Variants in ZNF599 observed in about 807,000 individuals in gnomAD.
The protein encoded by ZNF599 is zinc finger protein 599.
A neutral mutation model predicts 11.7 loss-of-function variants in ZNF599; 10 were observed. The observed-to-expected ratio is 0.86, with a 90% CI of 0.53 to 1.45. ZNF599 has a LOEUF of 1.45. ZNF599 is among the 40% of genes most tolerant of loss of function. The pLI is 0.00. For synonymous variants in ZNF599, 232 were observed against 253.2 expected, an observed-to-expected ratio of 0.92 and a Z score of 0.79; for missense variants, 688 against 713.6, an observed-to-expected ratio of 0.96 and a Z score of 0.41.
the ZNF599 span, among the ~76,000 whole-genome samples, chr19:34,787,988 C>T: frequency 6.6e-6 from 1 of 152,174 alleles, no homozygotes; most frequent in Non-Finnish European, 1.5e-5. Context: ...TGCCTTTGTA[C>T]TGAATAAGTA....
chr19:34,778,938 C>T, the ZNF599 span, among the ~76,000 whole-genome samples: 313 of 152,054 alleles, frequency 2.1e-3, 11 homozygotes, highest in Admixed American at 0.016. Flanking sequence ...AAATAATTTC[C>T]CAAATCATGA....
At chr19:34,789,720 G>C in the ZNF599 span, among the ~76,000 whole-genome samples, 2 of 152,154 alleles carry the variant, frequency 1.3e-5, no homozygotes, top group South Asian at 4.1e-4. Flanking sequence ...TCTTGCTATT[G>C]TTTCAGTTCA....
chr19:34,759,750 G>A lies in ZNF599; in HGVS notation c.1051C>T (p.Arg351Cys), dbSNP rs146248056. Residue 351 changes from arginine (R) to cysteine (C), a missense_variant, in exon 4 of 4, where the codon CGC becomes TGC. Physicochemically the swap from Arg to Cys is radical, Grantham distance 180. Transcript: ENST00000329285. ...ACATTGTGCTGGATAAATGTGGAGC[G>A]GTGCGTGAAGGCCTTTCCACATTCA... ...CGECGKAFTH[R>C]STFIQHNVTH... 1.5e-3 allele frequency: 2,469 copies of A among 1,614,076 alleles called. 7 individuals carry two copies. Among genetic ancestry groups the A allele is most frequent in the Non-Finnish European group, 1.8e-3 (2,168 of 1,180,006 alleles).
chr19:34,761,108 A>G lies in ZNF599; in HGVS notation c.242-549T>C, dbSNP rs147935029. Among the ~76,000 whole-genome samples the G allele has an allele frequency of 3.7e-3, 571 of 152,284 alleles. 6 individuals are homozygous for G. Among genetic ancestry groups the G allele is most frequent in the African/African-American group, 0.013 (550 of 41,556 alleles). On this transcript the variant is annotated intron_variant, in intron 3 of 3. Coordinates refer to ENST00000329285, the MANE Select transcript of ZNF599 (RefSeq NM_001007248.3). ...AGTCTTGAGAGAATGCTGATTGCTG[A>G]GTAATGTAAATGGGATGACATGATG...
At chr19:34,793,790 G>T in the ZNF599 span, among the ~76,000 whole-genome samples, 1 of 152,192 alleles carries the variant, frequency 6.6e-6, no homozygotes, top group African/African-American at 2.4e-5. Flanking sequence ...CTCGTGGATT[G>T]CTGGCTAGCT....
chr19:34,785,769 A>G, the ZNF599 span, among the ~76,000 whole-genome samples: 1 of 152,126 alleles, frequency 6.6e-6, no homozygotes, highest in Non-Finnish European at 1.5e-5. Context: ...CCTGCTCTTC[A>G]ATTTGGTCTG....
intron 3 of ZNF599, among the ~76,000 whole-genome samples, 195 bp from the exon 4 acceptor site, chr19:34,760,754 A>G (rs1187837479): frequency 1.3e-5 from 2 of 152,202 alleles, no homozygotes; most frequent in Admixed American, 6.5e-5. Flanking sequence ...GAAACCCAGA[A>G]GGAAAAGCAA....
upstream of ZNF599, among the ~76,000 whole-genome samples, chr19:34,776,240 T>C (rs563154211): frequency 1.8e-3 from 275 of 152,364 alleles, no homozygotes; most frequent in African/African-American, 6.3e-3. Flanking sequence ...TTATATAAAT[T>C]GTGACTCAAA....
At chr19:34,785,358 G>T in the ZNF599 span, among the ~76,000 whole-genome samples, 1 of 152,188 alleles carries the variant, frequency 6.6e-6, no homozygotes, top group Non-Finnish European at 1.5e-5. Flanking sequence ...TGCTCCCACC[G>T]TATGCCTCTA....
chr19:34,765,305 T>G, intron 3 of ZNF599: 1 of 455,280 alleles, frequency 2.2e-6, no homozygotes, highest in South Asian at 3.0e-5. Context: ...GGAATGTACA[T>G]GATAAAATAT....
chr19:34,786,135 A>G, the ZNF599 span, among the ~76,000 whole-genome samples: 2 of 152,014 alleles, frequency 1.3e-5, no homozygotes, highest in Non-Finnish European at 2.9e-5. Context: ...CCAAACTCTA[A>G]TCAGGCTCCT....
At chr19:34,763,580 C>T (rs2069124900) in intron 3 of ZNF599, 1 of 152,232 alleles carries the variant, frequency 6.6e-6, no homozygotes, top group African/African-American at 2.4e-5. Flanking sequence ...CTTATCAGAA[C>T]CCAACAATGC....
At chr19:34,776,020 A>C (rs1300989309), upstream of ZNF599, among the ~76,000 whole-genome samples, 4 of 152,226 alleles carry the variant, frequency 2.6e-5, no homozygotes, top group East Asian at 7.7e-4. Flanking sequence ...TACTTATATC[A>C]AATGAAATTA....
the ZNF599 span, among the ~76,000 whole-genome samples, chr19:34,797,848 C>T: frequency 6.6e-6 from 1 of 152,182 alleles, no homozygotes; most frequent in South Asian, 2.1e-4. Context: ...ACCACAAAAT[C>T]TCAGAAGGGA....
At chr19:34,800,627 G>A in the ZNF599 span, among the ~76,000 whole-genome samples, 1 of 115,890 alleles carries the variant, frequency 8.6e-6, no homozygotes, top group African/African-American at 3.4e-5. Flanking sequence ...ACGGAGTGTC[G>A]CTCTGTCACC....
rs962153426 is a variant in ZNF599, at chr19:34,758,780, G to A, written c.*254C>T. 2.2e-5 allele frequency: 8 copies of A among 362,920 alleles called. No individual in the cohort carries two copies. Among genetic ancestry groups the A allele is most frequent in the Non-Finnish European group, 3.5e-5 (7 of 202,210 alleles). 22.5% of individuals were successfully genotyped at this position (362,920 alleles called of 1,614,324 possible). ...TGTTAACCACCAGGTCTCTCCCCTC[G>A]ATTATTCTCAGGTACAGTGTAAGGC... On this transcript the variant is annotated 3_prime_UTR_variant, in exon 4 of 4. Transcript: ENST00000329285.
the ZNF599 span, among the ~76,000 whole-genome samples, chr19:34,780,728 GAGAA>G: frequency 2.1e-5 from 3 of 146,226 alleles, no homozygotes; most frequent in Non-Finnish European, 3.0e-5. Flanking sequence ...AGGAAAGAAA[GAGAA>G]AGAGAAAGAA....
chr19:34,773,189 C>G lies in ZNF599; in HGVS notation c.-348G>C, dbSNP rs1161773632. 1 of 309,128 alleles carries G rather than the reference C, an allele frequency of 3.2e-6. No individual in the cohort carries two copies. The highest frequency in any genetic ancestry group is 5.9e-6 in the Non-Finnish European group (1 of 169,002). 19.1% of individuals were successfully genotyped at this position (309,128 alleles called of 1,614,324 possible). ...CGTTGGCAACCACAGCAGCCGCAACCTAACGGCGGACGAAGACTGGACGCC... is the reference window on the plus strand; with the variant it reads ...CGTTGGCAACCACAGCAGCCGCAACGTAACGGCGGACGAAGACTGGACGCC... On this transcript the variant is annotated 5_prime_UTR_variant, in exon 1 of 4. Coordinates refer to ENST00000329285, the MANE Select transcript of ZNF599 (RefSeq NM_001007248.3).
the ZNF599 span, among the ~76,000 whole-genome samples, chr19:34,787,740 C>A: frequency 1.3e-5 from 2 of 152,220 alleles, no homozygotes; most frequent in Admixed American, 6.5e-5. Context: ...CTCATCAAGA[C>A]TTCAACAGCC....
Sources: gnomAD v4.1 joint callset for allele counts (sites outside exome capture counted in the v4.1 genomes callset) on GRCh38, gnomAD v4.1.1 for gene constraint, MANE v1.5 for transcripts, NCBI Gene and HGNC (gene_info 2026-07-23, HGNC 2026-07-21) for gene names.